The following PKIB variants were observed in gnomAD, a reference collection of about 807,000 sequenced individuals.
PKIB encodes cAMP-dependent protein kinase inhibitor beta.
In PKIB, 2 loss-of-function variants were observed where a neutral mutation model predicts 4.5. The ratio of observed to expected loss-of-function variants is 0.44; its 90% CI spans 0.18 to 1.39. PKIB has a LOEUF of 1.39. Ranked by LOEUF, PKIB falls within the 40% of genes most tolerant of loss-of-function variation. PKIB has a pLI of 0.27. For synonymous variants in PKIB, 38 were observed against 36.0 expected, an observed-to-expected ratio of 1.06 and a Z score of -0.20; for missense variants, 94 against 92.6, an observed-to-expected ratio of 1.02 and a Z score of -0.06.
intron 2 of PKIB, chr6:122,479,610 T>C (rs1172705303): frequency 6.6e-6 from 1 of 152,240 alleles, no homozygotes; most frequent in Non-Finnish European, 1.5e-5. Flanking sequence ...GCTGTTAATA[T>C]AATGCTAAGA....
At chr6:122,675,561 T>C (rs948388997) in intron 3 of PKIB, among the ~76,000 whole-genome samples, 2 of 152,194 alleles carry the variant, frequency 1.3e-5, no homozygotes, top group African/African-American at 4.8e-5. Context: ...GGCTTTTCTA[T>C]GACCACTTTT....
At chr6:122,666,798 T>C (rs1005886476) in intron 2 of PKIB, among the ~76,000 whole-genome samples, 1 of 152,208 alleles carries the variant, frequency 6.6e-6, no homozygotes, top group Non-Finnish European at 1.5e-5. Flanking sequence ...GAAAAGTATA[T>C]TTCTTTTTGT....
At chr6:122,688,068 A>C (rs1191303894) in intron 3 of PKIB, among the ~76,000 whole-genome samples, 1 of 152,138 alleles carries the variant, frequency 6.6e-6, no homozygotes, top group Non-Finnish European at 1.5e-5. Context: ...TTCCCCATTC[A>C]GTGTAATGCT....
chr6:122,701,331 T>C lies in PKIB; in HGVS notation c.-8-16456T>C, dbSNP rs1236117175. 3.5e-6 allele frequency: 3 copies of C among 851,214 alleles called. No individual in the cohort carries two copies. The Admixed American group carries it at 7.1e-5, about 20-fold the overall frequency. The allele number at this position is 851,214 out of a possible 1,614,324, so 52.7% of individuals were successfully genotyped here. A position where few individuals can be genotyped will look rare whatever the true frequency, so the allele number is the denominator to read the frequency against. ...CTGTATTGCTGCTCCAAGCAGCCAGTGACAGTCACCAGGCTAGACATGGTG... is the reference window on the plus strand; with the variant it reads ...CTGTATTGCTGCTCCAAGCAGCCAGCGACAGTCACCAGGCTAGACATGGTG... On this transcript the variant is annotated intron_variant, in intron 3 of 4. Coordinates refer to ENST00000368452, the MANE Select transcript of PKIB (RefSeq NM_181795.3).
intron 3 of PKIB, among the ~76,000 whole-genome samples, chr6:122,698,602 G>A (rs1267060799): frequency 1.3e-5 from 2 of 152,096 alleles, no homozygotes; most frequent in African/African-American, 4.8e-5. Context: ...CATCACAGGT[G>A]GCCTAGAGAC....
At position 122,601,768 on chromosome 6, in the gene PKIB, TATAAC is replaced by T. The variant is rs560787535; in HGVS notation, c.-161+15765_-161+15769del. Reference sequence around the variant, plus strand: ...GCTTACTTTATCAGTATATAGTACATATAACATACAAAACTGTGTTAATCAACTGT... The same window carrying T: ...GCTTACTTTATCAGTATATAGTACATATACAAAACTGTGTTAATCAACTGT... On this transcript the variant is annotated intron_variant, in intron 3 of 6. Transcript: ENST00000392491. 1.5e-4 allele frequency among the ~76,000 whole-genome samples: 23 copies of T among 152,334 alleles called. No homozygotes were observed. In the East Asian group the frequency reaches 3.3e-3, roughly 22 times the overall value.
At position 122,601,810 on chromosome 6, in the gene PKIB, A is replaced by G. The variant is rs1560447; in HGVS notation, c.-161+15803A>G. ...TGTTAATCAACTGTTTGTGTTATCA[A>G]TAAGGCTTCTGGACAACAGTAGCTA... On this transcript the variant is annotated intron_variant, in intron 3 of 6. Transcript: ENST00000392491. Among the ~76,000 whole-genome samples the G allele has an allele frequency of 1.6e-3, 247 of 152,300 alleles. 4 individuals carry two copies. The highest frequency in any genetic ancestry group is 0.014 in the Admixed American group (219 of 15,294).
chr6:122,648,554 A>T (rs117760653), intron 2 of PKIB, among the ~76,000 whole-genome samples: 2,740 of 152,254 alleles, frequency 0.018, 36 homozygotes, highest in South Asian at 0.036. Flanking sequence ...AGTGAATTAG[A>T]GTTTCTTTGC....
rs1164031522 is a variant in PKIB at position 122,682,476 on chromosome 6, G to T, written c.-9+7332G>T. 3.3e-5 allele frequency among the ~76,000 whole-genome samples: 5 copies of T among 152,026 alleles called. No individual in the cohort carries two copies. The East Asian group carries it at 9.6e-4, about 29-fold the overall frequency. On this transcript the variant is annotated intron_variant, in intron 3 of 4. Transcript: ENST00000368452. ...TTTAAAGTATTTAATTCACAAAAAT[G>T]CTTTTTTGTTACATATATTCTGAAT... is the stretch of plus-strand genomic sequence containing the variant.
intron 1 of PKIB, among the ~76,000 whole-genome samples, chr6:122,621,178 T>C (rs2114788759): frequency 6.6e-6 from 1 of 152,304 alleles, no homozygotes; most frequent in East Asian, 1.9e-4. Flanking sequence ...TTTTGGTTAA[T>C]TACTTTACTA....
At chr6:122,696,254 G>A (rs553197786) in intron 3 of PKIB, among the ~76,000 whole-genome samples, 1 of 152,276 alleles carries the variant, frequency 6.6e-6, no homozygotes, top group East Asian at 1.9e-4. Context: ...CCGTAGAGTG[G>A]GAATTACTAT....
At chr6:122,533,118 C>T (rs996225630) in intron 2 of PKIB, among the ~76,000 whole-genome samples, 3 of 151,706 alleles carry the variant, frequency 2.0e-5, no homozygotes, top group Non-Finnish European at 4.4e-5. Context: ...TTTCACTCTC[C>T]TGATAGTGTC....
upstream of PKIB, among the ~76,000 whole-genome samples, chr6:122,609,080 A>G (rs1453042723): frequency 6.6e-6 from 1 of 152,144 alleles, no homozygotes. Flanking sequence ...TGCTTGTGTA[A>G]CCACACAAGT....
chr6:122,521,306 AGTT>A (rs762807352), intron 2 of PKIB, among the ~76,000 whole-genome samples: 13 of 152,184 alleles, frequency 8.5e-5, no homozygotes, highest in East Asian at 1.9e-4. Flanking sequence ...TGTCATTGCC[AGTT>A]GTTGTATAAA....
chr6:122,686,488 TTA>T (rs748857307), intron 3 of PKIB, among the ~76,000 whole-genome samples: 5 of 150,408 alleles, frequency 3.3e-5, no homozygotes, highest in Admixed American at 1.3e-4. Flanking sequence ...TTTTGCCCAT[TTA>T]TATATATATA....
intron 1 of PKIB, among the ~76,000 whole-genome samples, chr6:122,618,846 G>A (rs1775097592): frequency 6.6e-6 from 1 of 152,062 alleles, no homozygotes; most frequent in African/African-American, 2.4e-5. Context: ...TAGAATTGCT[G>A]CATCAGAGGA....
Position 122,499,479 on chromosome 6 carries a change from C to T in PKIB, c.-248+21540C>T, listed in dbSNP as rs144565407. ...AAAACCATATGATTGTCTCAGTAGA[C>T]ACAGAAAAAATCTCTTGATAAAATC... is the stretch of plus-strand genomic sequence containing the variant. On this transcript the variant is annotated intron_variant, in intron 2 of 6. Transcript: ENST00000392491. 2.6e-3 allele frequency among the ~76,000 whole-genome samples: 392 copies of T among 152,110 alleles called. 4 individuals are homozygous for T. The Middle Eastern group carries it at 0.071, about 28-fold the overall frequency.
At chr6:122,547,398 C>T (rs961118497) in intron 2 of PKIB, among the ~76,000 whole-genome samples, 4 of 152,008 alleles carry the variant, frequency 2.6e-5, no homozygotes, top group South Asian at 2.1e-4. Context: ...TGCAATGGCA[C>T]GATCTCAGCT....
chr6:122,486,235 A>G lies in PKIB; in HGVS notation c.-248+8296A>G, dbSNP rs190698776. Among the ~76,000 whole-genome samples the G allele has an allele frequency of 4.8e-3, 729 of 152,292 alleles. 4 individuals carry two copies. The highest frequency in any genetic ancestry group is 0.017 in the African/African-American group (687 of 41,570). On this transcript the variant is annotated intron_variant, in intron 2 of 6. Coordinates refer to the PKIB transcript ENST00000392491. ...TTGAAAAAGTCTTGAGTCCAGTTTC[A>G]TCATTTCTGGTTGTTTCAGATGATA...
Sources: allele counts gnomAD v4.1 joint callset (sites outside exome capture counted in the v4.1 genomes callset), GRCh38; gene constraint gnomAD v4.1.1; transcripts MANE v1.5; gene names NCBI Gene and HGNC (gene_info 2026-07-23, HGNC 2026-07-21).